Variants in POLR2E observed in about 807,000 individuals in gnomAD.
POLR2E encodes the protein DNA-directed RNA polymerases I, II, and III subunit RPABC1.
Under a neutral mutation model 29.8 loss-of-function variants are expected in POLR2E, and 35 were observed. The observed-to-expected ratio is 1.17, with a 90% CI of 0.90 to 1.55. The LOEUF (loss-of-function observed/expected upper bound fraction) is 1.55, where lower values mean the gene tolerates loss of function less well. POLR2E is among the 40% of genes most tolerant of loss of function. POLR2E has a pLI of 0.00. For missense variants in POLR2E, 287 were observed against 288.6 expected (o/e 0.99, Z 0.04); for synonymous variants, 174 against 112.6 (o/e 1.55, Z -3.45).
intron 1 of POLR2E, 70 bp from the exon 2 acceptor site, chr19:1,094,148 G>A (rs1568517660): frequency 1.4e-6 from 2 of 1,447,464 alleles, no homozygotes; most frequent in Non-Finnish European, 1.9e-6. Context: ...TGACCCGGAA[G>A]TCAGACCTGC....
chr19:1,090,101 C>G lies in POLR2E; in HGVS notation c.474G>C (p.Glu158Asp). 1 of 1,612,556 alleles carries G rather than the reference C, an allele frequency of 6.2e-7. No individual in the cohort carries two copies. Among genetic ancestry groups the G allele is most frequent in the Non-Finnish European group, 8.5e-7 (1 of 1,179,908 alleles). The change falls in exon 5 of 8, where the codon GAG becomes GAC. Residue 158 changes from glutamate to aspartate, a missense_variant. By Grantham distance (45) the Glu-to-Asp change is conservative. Coordinates refer to ENST00000615234, the MANE Select transcript of POLR2E (RefSeq NM_002695.5). ...GGAAAGGATACTATCGGGCCAGCAGCTCTGTCACCTCCTCCTTGGTCATGA... is the reference window on the plus strand; with the variant it reads ...GGAAAGGATACTATCGGGCCAGCAGGTCTGTCACCTCCTCCTTGGTCATGA... The part of the protein sequence containing the change: ...HVVMTKEEVT[E>D]LLARYKLREN...
Position 1,091,836 on chromosome 19 carries a change from C to A in POLR2E, c.304G>T (p.Ala102Ser), listed in dbSNP as rs760011436. 6.2e-7 allele frequency: 1 copy of A among 1,612,986 alleles called. No homozygotes were observed. The highest frequency in any genetic ancestry group is 1.1e-5 in the South Asian group (1 of 91,080). Residue 102 changes from alanine to serine, a missense_variant, in exon 3 of 8, where the codon GCT becomes TCT. Transcript: ENST00000615234. ...QRMQEENITR[A>S]LIVVQQGMTP... ...ATGCCCTGCTGCACCACGATGAGAG[C>A]CCGTGTGATGTTCTCCTCCTGCATG...
rs1555714741 is a variant in POLR2E, at chr19:1,095,337, C to CT, written c.-23_-22insA. Reference sequence around the variant, plus strand: ...CCATGGCAGCCTCCGCCGCCGCCGCCGCTCGCACCCCTTCTCCGCGCGAGA... The same window carrying CT: ...CCATGGCAGCCTCCGCCGCCGCCGCCTGCTCGCACCCCTTCTCCGCGCGAGA... On this transcript the variant is annotated 5_prime_UTR_variant, in exon 1 of 8. Transcript: ENST00000615234. The CT allele has an allele frequency of 6.2e-7, 1 of 1,612,218 alleles. No individual in the cohort carries two copies. Among genetic ancestry groups the CT allele is most frequent in the Non-Finnish European group, 8.5e-7 (1 of 1,179,470 alleles).
rs977638819 is a variant in POLR2E, at chr19:1,087,907, G to C, written c.*828C>G. On this transcript the variant is annotated 3_prime_UTR_variant, in exon 8 of 8. Coordinates refer to ENST00000615234, the MANE Select transcript of POLR2E (RefSeq NM_002695.5). ...GTAAGCAAACGGGGAAGTAGAGCCA[G>C]ATCCCAAACGTCTGTAAGAGGAACT... The C allele has an allele frequency of 1.1e-4, 16 of 152,324 alleles. No individual in the cohort carries two copies. Among genetic ancestry groups the C allele is most frequent in the East Asian group, 9.4e-4 (5 of 5,294 alleles). 9.4% of individuals were successfully genotyped at this position (152,324 alleles called of 1,614,324 possible). A position where few individuals can be genotyped will look rare whatever the true frequency, so the allele number is the denominator to read the frequency against.
rs1438379244 is a variant in POLR2E, at chr19:1,093,047, G to A, written c.232+857C>T. ...CTAAAATGCAAAGAAAAACTAGCCA[G>A]GCGTGGTGGTGGGTGCCTGTAATCT... On this transcript the variant is annotated intron_variant, in intron 2 of 7. Transcript: ENST00000615234. Among the ~76,000 whole-genome samples the A allele has an allele frequency of 3.9e-5, 6 of 152,092 alleles. No homozygotes were observed. In the South Asian group the frequency reaches 1.2e-3, roughly 32 times the overall value.
Position 1,089,929 on chromosome 19 carries a change from C to T in POLR2E, c.522G>A (p.Gln174=). Residue 174 remains glutamine, a synonymous_variant, in exon 6 of 8, where the codon CAG becomes CAA. Coordinates refer to ENST00000615234, the MANE Select transcript of POLR2E (RefSeq NM_002695.5). ...AGTAGCGCGCCACAGGGTCCCCCGC[C>T]TGGATCCTGGGCAGCTGGTTCTCTC... ...KLRENQLPRI[Q]AGDPVARYFG... 1 of 1,613,060 alleles carries T rather than the reference C, an allele frequency of 6.2e-7. No individual in the cohort carries two copies. The highest frequency in any genetic ancestry group is 8.5e-7 in the Non-Finnish European group (1 of 1,179,930).
chr19:1,089,225 G>A (rs995894977), intron 7 of POLR2E, among the ~76,000 whole-genome samples: 2 of 152,206 alleles, frequency 1.3e-5, no homozygotes, highest in African/African-American at 2.4e-5. Flanking sequence ...GTGGGTCAGC[G>A]GCGGAGAGAC....
intron 1 of POLR2E, 153 bp downstream of exon 1, chr19:1,095,106 G>T (rs1394350324): frequency 1.6e-5 from 12 of 728,496 alleles, no homozygotes; most frequent in African/African-American, 5.6e-5. Context: ...TCCAGCGCCT[G>T]GTATCCCCGG....
At position 1,090,204 on chromosome 19, in the gene POLR2E, C is replaced by T. The variant is rs1294196917; in HGVS notation, c.430-59G>A. ...GGGCTGGTGAGACCCCACGTGGCTCCCAGGTGCCACCACAGCCCCTGCGCC... is the reference window on the plus strand; with the variant it reads ...GGGCTGGTGAGACCCCACGTGGCTCTCAGGTGCCACCACAGCCCCTGCGCC... On this transcript the variant is annotated intron_variant, in intron 4 of 7. Coordinates refer to ENST00000615234, the MANE Select transcript of POLR2E (RefSeq NM_002695.5). 4.2e-6 allele frequency: 6 copies of T among 1,420,544 alleles called. No homozygotes were observed. The African/African-American group carries it at 8.5e-5, about 20-fold the overall frequency. The allele number at this position is 1,420,544 out of a possible 1,614,324, so 88.0% of individuals were successfully genotyped here. A position where few individuals can be genotyped will look rare whatever the true frequency, so the allele number is the denominator to read the frequency against.
intron 1 of POLR2E, chr19:1,094,781 G>A: frequency 5.6e-6 from 1 of 177,912 alleles, no homozygotes; most frequent in Non-Finnish European, 1.2e-5. Context: ...GCCTCCATCT[G>A]CCCCAGACCC....
At position 1,088,699 on chromosome 19, in the gene POLR2E, G is replaced by C. The variant is rs1005533463; in HGVS notation, c.*36C>G. 6.6e-6 allele frequency: 1 copy of C among 150,892 alleles called. No homozygotes were observed. The highest frequency in any genetic ancestry group is 2.4e-5 in the African/African-American group (1 of 41,296). 9.3% of individuals were successfully genotyped at this position (150,892 alleles called of 1,614,324 possible). A position where few individuals can be genotyped will look rare whatever the true frequency, so the allele number is the denominator to read the frequency against. ...CGTTTGTCCTGCAGGGATGGGGGTC[G>C]CTGTGTGTCCGCCTCTAGGGGCTAG... On this transcript the variant is annotated 3_prime_UTR_variant, in exon 8 of 8. Transcript: ENST00000615234.
At chr19:1,093,718 G>A in intron 2 of POLR2E, 186 bp downstream of exon 2, 1 of 1,382,030 alleles carries the variant, frequency 7.2e-7, no homozygotes, top group Non-Finnish European at 9.3e-7. Flanking sequence ...GAAAGAAGCT[G>A]AGCATGAGAG....
intron 3 of POLR2E, 157 bp downstream of exon 3, chr19:1,091,635 A>C (rs1018225714): frequency 1.2e-4 from 76 of 610,022 alleles, no homozygotes; most frequent in African/African-American, 1.1e-3. Context: ...GGTGGGAGGG[A>C]GGCGGTCGGG....
chr19:1,093,113 G>A (rs1055261873), intron 2 of POLR2E, among the ~76,000 whole-genome samples: 1 of 151,790 alleles, frequency 6.6e-6, no homozygotes, highest in Non-Finnish European at 1.5e-5. Flanking sequence ...TTGAACTCAG[G>A]AGGTGGAGGC....
intron 1 of POLR2E, chr19:1,094,995 G>T: frequency 2.8e-6 from 1 of 359,416 alleles, no homozygotes; most frequent in South Asian, 3.9e-5. Flanking sequence ...TCCTCTCGCC[G>T]CCACGCGCGC....
chr19:1,089,062 G>C (rs2043772356), intron 7 of POLR2E, among the ~76,000 whole-genome samples: 1 of 152,194 alleles, frequency 6.6e-6, no homozygotes, highest in African/African-American at 2.4e-5. Context: ...TGAGACTCCG[G>C]CCAGTCCCTC....
intron 4 of POLR2E, 92 bp downstream of exon 4, chr19:1,090,816 C>G: frequency 8.9e-7 from 1 of 1,122,736 alleles, no homozygotes. Flanking sequence ...GAACACCTGC[C>G]CTGGGCCCCA....
Position 1,088,073 on chromosome 19 carries a change from G to T in POLR2E, c.*662C>A. ...GCCTGGGGAGACACTGACCCCTGAA[G>T]CCAGCGCGAGGAGGGCACACCTGCC... On this transcript the variant is annotated 3_prime_UTR_variant, in exon 8 of 8. Coordinates refer to ENST00000615234, the MANE Select transcript of POLR2E (RefSeq NM_002695.5). 1 of 152,598 alleles carries T rather than the reference G, an allele frequency of 6.6e-6. No homozygotes were observed. The highest frequency in any genetic ancestry group is 1.5e-5 in the Non-Finnish European group (1 of 68,104). The allele number at this position is 152,598 out of a possible 1,614,324, so 9.5% of individuals were successfully genotyped here.
intron 4 of POLR2E, among the ~76,000 whole-genome samples, chr19:1,090,401 G>C (rs866996202): frequency 2.3e-4 from 35 of 151,452 alleles, no homozygotes; most frequent in South Asian, 6.3e-4. Flanking sequence ...CCAGCACTAG[G>C]GTCCCTCCAC....
Sources: allele counts gnomAD v4.1 joint callset (sites outside exome capture counted in the v4.1 genomes callset), GRCh38; gene constraint gnomAD v4.1.1; transcripts MANE v1.5; gene names NCBI Gene and HGNC (gene_info 2026-07-23, HGNC 2026-07-21).